Variants in CUX2 observed in about 807,000 individuals in gnomAD.
CUX2 encodes the protein homeobox protein cut-like 2.
In CUX2, 40 loss-of-function variants were observed where a neutral mutation model predicts 144.8. The observed-to-expected ratio is 0.28, with a 90% confidence interval of 0.21 to 0.36. The LOEUF is 0.36. CUX2 is among the 10% of genes least tolerant of loss of function. CUX2 has a pLI of 1.00. For missense variants in CUX2, 1,615 were observed against 1,994.0 expected (o/e 0.81, Z 3.62); for synonymous variants, 827 against 875.6 (o/e 0.94, Z 0.98).
chr12:111,216,106 A>G (rs539513679), intron 2 of CUX2, among the ~76,000 whole-genome samples: 4 of 152,334 alleles, frequency 2.6e-5, no homozygotes, highest in African/African-American at 9.6e-5. Flanking sequence ...GCCGTGAAGC[A>G]GATGAGGCGG....
chr12:111,050,147 C>T (rs1870194294), intron 1 of CUX2, among the ~76,000 whole-genome samples: 1 of 152,136 alleles, frequency 6.6e-6, no homozygotes, highest in Non-Finnish European at 1.5e-5. Context: ...CCCACCCACC[C>T]TGCCGCTTCC....
At chr12:111,211,818 C>T (rs1881244528) in intron 1 of CUX2, among the ~76,000 whole-genome samples, 1 of 150,350 alleles carries the variant, frequency 6.7e-6, no homozygotes, top group Non-Finnish European at 1.5e-5. Flanking sequence ...ACCTGGGAGG[C>T]GGAGCTTGCA....
chr12:111,207,563 A>G (rs1159497173), intron 1 of CUX2, among the ~76,000 whole-genome samples: 2 of 152,164 alleles, frequency 1.3e-5, no homozygotes, highest in East Asian at 3.9e-4. Flanking sequence ...TGGTGACTGT[A>G]CTGGAAGTCA....
At chr12:111,163,557 C>T (rs1052356450) in intron 1 of CUX2, among the ~76,000 whole-genome samples, 5 of 152,200 alleles carry the variant, frequency 3.3e-5, no homozygotes, top group Non-Finnish European at 7.3e-5. Context: ...AGAAGAAGGA[C>T]AGCTCACAGG....
At chr12:111,182,889 G>A (rs971784092) in intron 1 of CUX2, among the ~76,000 whole-genome samples, 11 of 152,160 alleles carry the variant, frequency 7.2e-5, no homozygotes, top group African/African-American at 2.4e-4. Flanking sequence ...TGGTGACAGG[G>A]AAAGGGCCAG....
At position 111,186,122 on chromosome 12, in the gene CUX2, C is replaced by T. The variant is rs1169316971; in HGVS notation, c.64-28078C>T. On this transcript the variant is annotated intron_variant, in intron 1 of 21. Transcript: ENST00000261726. The surrounding 1 kb of genome is among the most constrained non-coding windows in gnomAD (Gnocchi z 4.4). Reference sequence around the variant, plus strand: ...TTTCTGTCTCCGTCTCACTAGATTTCGCTTTCACGTCCTCTCTCGGCATTT... The same window carrying T: ...TTTCTGTCTCCGTCTCACTAGATTTTGCTTTCACGTCCTCTCTCGGCATTT... 2.0e-5 allele frequency among the ~76,000 whole-genome samples: 3 copies of T among 152,026 alleles called. No individual in the cohort carries two copies. The highest frequency in any genetic ancestry group is 4.4e-5 in the Non-Finnish European group (3 of 68,020).
At chr12:111,188,411 G>A (rs1005721865) in intron 1 of CUX2, among the ~76,000 whole-genome samples, 1 of 152,194 alleles carries the variant, frequency 6.6e-6, no homozygotes, top group Non-Finnish European at 1.5e-5. Context: ...CACCAGCAAA[G>A]GTGCTATCAA....
intron 1 of CUX2, among the ~76,000 whole-genome samples, chr12:111,142,406 C>A (rs1876383448): frequency 6.6e-6 from 1 of 151,394 alleles, no homozygotes; most frequent in Admixed American, 6.6e-5. Flanking sequence ...GTCTTCAGAC[C>A]ATGTATTGAA....
rs1349591964 is a variant in CUX2, at chr12:111,061,675, A to G, written c.63+27435A>G. Among the ~76,000 whole-genome samples, 3 of 152,166 alleles carry G rather than the reference A, an allele frequency of 2.0e-5. No individual in the cohort carries two copies. Among genetic ancestry groups the G allele is most frequent in the African/African-American group, 7.2e-5 (3 of 41,438 alleles). On this transcript the variant is annotated intron_variant, in intron 1 of 21. Transcript: ENST00000261726. This position sits in a 1 kb window ranked among gnomAD's most constrained non-coding sequence, Gnocchi z 4.2. ...ACGTCATTTTGCTGTCTTTCGGACA[A>G]GCGTTTTACCTGCCCGATGTTCTGT...
rs534889069 is a variant in CUX2, at chr12:111,178,161, T to C, written c.64-36039T>C. Among the ~76,000 whole-genome samples, 2 of 152,208 alleles carry C rather than the reference T, an allele frequency of 1.3e-5. No individual in the cohort carries two copies. Among genetic ancestry groups the C allele is most frequent in the Non-Finnish European group, 2.9e-5 (2 of 68,032 alleles). On this transcript the variant is annotated intron_variant, in intron 1 of 21. Coordinates refer to ENST00000261726, the MANE Select transcript of CUX2 (RefSeq NM_015267.4). The surrounding 1 kb of genome is among the most constrained non-coding windows in gnomAD (Gnocchi z 5.7). ...TCTAGAAGAAGAGATTCCAAGATGATCTATTTTATGTGATTCTCACCCCAT... is the reference window on the plus strand; with the variant it reads ...TCTAGAAGAAGAGATTCCAAGATGACCTATTTTATGTGATTCTCACCCCAT...
intron 1 of CUX2, among the ~76,000 whole-genome samples, chr12:111,153,532 T>A (rs899949673): frequency 3.3e-5 from 5 of 152,186 alleles, no homozygotes; most frequent in Non-Finnish European, 7.3e-5. Context: ...TGGTAAGGAT[T>A]TGAGTATCTA....
At chr12:111,172,439 A>G (rs1878601315) in intron 1 of CUX2, among the ~76,000 whole-genome samples, 1 of 152,238 alleles carries the variant, frequency 6.6e-6, no homozygotes, top group Admixed American at 6.5e-5. Flanking sequence ...TAGAAACTCC[A>G]GATCCTATTG....
In CUX2 at chr12:111,307,744, C is replaced by T. The variant is rs1238095099; in HGVS notation, c.1109+487C>T. 3.3e-5 allele frequency among the ~76,000 whole-genome samples: 5 copies of T among 151,986 alleles called. No homozygotes were observed. The highest frequency in any genetic ancestry group is 1.2e-4 in the African/African-American group (5 of 41,356). On this transcript the variant is annotated intron_variant, in intron 12 of 21. Coordinates refer to ENST00000261726, the MANE Select transcript of CUX2 (RefSeq NM_015267.4). This position sits in a 1 kb window ranked among gnomAD's most constrained non-coding sequence, Gnocchi z 4.1. The stretch of plus-strand genomic sequence containing the variant: ...ATCTTCAGTCCTTTTCCATTAAGAG[C>T]TGCCTGTACGGGCAGATCACCTGAG...
chr12:111,329,009 C>T (rs1183390812), intron 18 of CUX2, among the ~76,000 whole-genome samples: 1 of 115,946 alleles, frequency 8.6e-6, no homozygotes, highest in African/African-American at 3.6e-5. Context: ...CCCTCTCCTC[C>T]CCCCACCCCA....
At chr12:111,319,893 G>A (rs1887419500) in intron 16 of CUX2, 119 bp from the exon 17 acceptor site, 2 of 1,352,650 alleles carry the variant, frequency 1.5e-6, no homozygotes, top group Non-Finnish European at 1.9e-6. Context: ...ATCCCCAGTT[G>A]CTGGACACAG....
intron 1 of CUX2, among the ~76,000 whole-genome samples, chr12:111,192,488 A>G (rs926351726): frequency 4.6e-5 from 7 of 151,586 alleles, no homozygotes; most frequent in African/African-American, 1.7e-4. Flanking sequence ...CCCGAGAACT[A>G]CATAACCTGC....
At position 111,061,599 on chromosome 12, in the gene CUX2, A is replaced by G. The variant is rs1870776582; in HGVS notation, c.63+27359A>G. 6.6e-6 allele frequency among the ~76,000 whole-genome samples: 1 copy of G among 152,144 alleles called. No homozygotes were observed. The highest frequency in any genetic ancestry group is 1.5e-5 in the Non-Finnish European group (1 of 68,018). The stretch of plus-strand genomic sequence containing the variant: ...CGTCCTGCTTTGCCCGCCTAAGTAC[A>G]TCCAACTCTACATCACGGTCTTTCC... On this transcript the variant is annotated intron_variant, in intron 1 of 21. Transcript: ENST00000261726. This position sits in a 1 kb window ranked among gnomAD's most constrained non-coding sequence, Gnocchi z 4.2.
chr12:111,253,341 G>A (rs900975511), intron 3 of CUX2, among the ~76,000 whole-genome samples: 11 of 136,346 alleles, frequency 8.1e-5, no homozygotes, highest in Non-Finnish European at 6.1e-5. Context: ...CTTCCCCTTC[G>A]TCTACCATCT....
chr12:111,259,353 A>G (rs954285449), intron 3 of CUX2, among the ~76,000 whole-genome samples: 7 of 151,978 alleles, frequency 4.6e-5, no homozygotes, highest in African/African-American at 1.5e-4. Context: ...CAACTACACA[A>G]CTCTGTCCTT....
Sources: gnomAD v4.1 joint callset for allele counts (sites outside exome capture counted in the v4.1 genomes callset) on GRCh38, gnomAD v4.1.1 for gene constraint, Gnocchi (gnomAD v3.1) non-coding constraint, MANE v1.5 for transcripts, NCBI Gene and HGNC (gene_info 2026-07-23, HGNC 2026-07-21) for gene names.